The following LOC400499 variants were observed in gnomAD, a reference collection of about 807,000 sequenced individuals.
chr16:11,469,211 C>T, the LOC400499 span: 1 of 399,610 alleles, frequency 2.5e-6, no homozygotes, highest in Non-Finnish European at 4.4e-6. Flanking sequence ...CCAGCACCAG[C>T]TCCAAGTGAC....
the LOC400499 span, chr16:11,471,879 G>A: frequency 2.5e-6 from 1 of 399,068 alleles, no homozygotes; most frequent in Non-Finnish European, 4.4e-6. Flanking sequence ...CTGGGCATGG[G>A]TGCCCGCAGC....
chr16:11,455,360 G>A, the LOC400499 span, among the ~76,000 whole-genome samples: 4 of 152,066 alleles, frequency 2.6e-5, no homozygotes, highest in African/African-American at 9.7e-5. Context: ...ATAACAGCAT[G>A]ATTATATTAT....
chr16:11,407,970 G>GTTTTTTTTTTTTTTTTTTTT, the LOC400499 span, among the ~76,000 whole-genome samples: 2 of 63,416 alleles, frequency 3.2e-5, no homozygotes, highest in African/African-American at 1.2e-4. Flanking sequence ...TTCCAGAGCT[G>GTTTTTTTTTTTTTTTTTTTT]TTTTTTTTTT....
At chr16:11,406,705 T>G in the LOC400499 span, among the ~76,000 whole-genome samples, 45,577 of 152,098 alleles carry the variant, frequency 0.3, 7,119 homozygotes, top group Admixed American at 0.44. Flanking sequence ...GTGCTGGGAT[T>G]ACAGGCGCGA....
At chr16:11,432,280 A>C in the LOC400499 span, among the ~76,000 whole-genome samples, 1 of 152,210 alleles carries the variant, frequency 6.6e-6, no homozygotes, top group African/African-American at 2.4e-5. Context: ...GACCCACAGA[A>C]TCGTGAGCAA....
At chr16:11,454,418 A>G in the LOC400499 span, among the ~76,000 whole-genome samples, 1 of 152,216 alleles carries the variant, frequency 6.6e-6, no homozygotes, top group African/African-American at 2.4e-5. Context: ...AGGTCATACG[A>G]GAATAGGACA....
At chr16:11,374,234 GTGTT>G in the LOC400499 span, among the ~76,000 whole-genome samples, 34 of 152,224 alleles carry the variant, frequency 2.2e-4, no homozygotes, top group African/African-American at 8.2e-4. Context: ...CTCCTTAAGA[GTGTT>G]TGGTTTTATA....
chr16:11,411,080 T>TGG, the LOC400499 span, among the ~76,000 whole-genome samples: 3 of 152,142 alleles, frequency 2.0e-5, no homozygotes, highest in Non-Finnish European at 4.4e-5. Flanking sequence ...TGGGTATGTT[T>TGG]GGGAAAGCTG....
the LOC400499 span, chr16:11,401,946 C>T: frequency 3.5e-5 from 14 of 398,654 alleles, no homozygotes; most frequent in East Asian, 4.3e-4. Flanking sequence ...GATAAGGCTC[C>T]TCAGGCAGGG....
chr16:11,435,789 C>A, the LOC400499 span: 1 of 399,528 alleles, frequency 2.5e-6, no homozygotes, highest in African/African-American at 2.1e-5. Context: ...CTGGCGTCGA[C>A]CTCCAGCAGA....
chr16:11,391,974 A>C, the LOC400499 span: 132,560 of 465,192 alleles, frequency 0.28, 19,460 homozygotes, highest in African/African-American at 0.31. Flanking sequence ...GACCTCTCCA[A>C]CCTGAGCCCC....
chr16:11,387,466 G>A, the LOC400499 span, among the ~76,000 whole-genome samples: 16 of 152,256 alleles, frequency 1.1e-4, no homozygotes, highest in South Asian at 2.3e-3. Context: ...GGTGGAGGAG[G>A]ACAGAGGCCG....
At chr16:11,431,463 T>C in the LOC400499 span, among the ~76,000 whole-genome samples, 2 of 152,162 alleles carry the variant, frequency 1.3e-5, no homozygotes, top group African/African-American at 4.8e-5. Context: ...TGGAGTACAG[T>C]GGCACAATCT....
At chr16:11,470,052 G>C in the LOC400499 span, among the ~76,000 whole-genome samples, 1 of 152,236 alleles carries the variant, frequency 6.6e-6, no homozygotes, top group South Asian at 2.1e-4. Context: ...ACAGGCATGC[G>C]CCAACAAGCC....
the LOC400499 span, among the ~76,000 whole-genome samples, chr16:11,509,734 G>C: frequency 6.6e-5 from 10 of 152,196 alleles, no homozygotes; most frequent in East Asian, 2.0e-3. Context: ...GGGAGGCTGA[G>C]GCAGAAGAAT....
the LOC400499 span, among the ~76,000 whole-genome samples, chr16:11,396,026 G>A: frequency 6.6e-6 from 1 of 152,224 alleles, no homozygotes; most frequent in African/African-American, 2.4e-5. Flanking sequence ...GGAGGGGGAG[G>A]AGATGGTACC....
At chr16:11,439,364 G>A in the LOC400499 span, 1 of 396,346 alleles carries the variant, frequency 2.5e-6, no homozygotes, top group Non-Finnish European at 4.4e-6. Flanking sequence ...AACATTGCAA[G>A]TGTGGGCTCC....
At chr16:11,450,801 ACTAT>A in the LOC400499 span, 4 of 1,534,332 alleles carry the variant, frequency 2.6e-6, no homozygotes, top group Non-Finnish European at 3.5e-6. Flanking sequence ...TCAGCCATGG[ACTAT>A]CCAGGTTCAA....
chr16:11,490,372 G>C, the LOC400499 span, among the ~76,000 whole-genome samples: 2 of 148,670 alleles, frequency 1.3e-5, no homozygotes, highest in Admixed American at 6.8e-5. Context: ...CTCCAGCCTG[G>C]GCAACAGAGT....
Sources: allele counts gnomAD v4.1 joint callset (sites outside exome capture counted in the v4.1 genomes callset), GRCh38; gene constraint gnomAD v4.1.1; transcripts MANE v1.5.